FOXF1: variants seen among roughly 807,000 people sequenced by gnomAD.
The protein encoded by FOXF1 is forkhead box protein F1.
In FOXF1, 9 loss-of-function variants were observed where a neutral mutation model predicts 26.6. The ratio of observed to expected loss-of-function variants is 0.34; its 90% CI spans 0.20 to 0.59. The LOEUF (loss-of-function observed/expected upper bound fraction) is 0.59. Ranked by LOEUF, FOXF1 falls within the 20% of genes least tolerant of loss-of-function variation. The probability of loss-of-function intolerance (pLI) is 0.83; values close to 1 mark genes in which losing one functional copy is unlikely to be tolerated. For missense variants in FOXF1, 499 were observed against 549.9 expected (o/e 0.91, Z 0.93); for synonymous variants, 330 against 257.7 (o/e 1.28, Z -2.69).
In FOXF1 at chr16:86,513,181, G is replaced by C; in HGVS notation, c.*96G>C. 7.2e-7 allele frequency: 1 copy of C among 1,386,934 alleles called. No individual in the cohort carries two copies. Among genetic ancestry groups the C allele is most frequent in the African/African-American group, 1.4e-5 (1 of 70,310 alleles). The allele number at this position is 1,386,934 out of a possible 1,614,324, so 85.9% of individuals were successfully genotyped here. The stretch of plus-strand genomic sequence containing the variant: ...CTTTCTTCTCGAGGTATAACCGTCG[G>C]CAGAAGAAAAGGGTTCCACCTCTCC... On this transcript the variant is annotated 3_prime_UTR_variant, in exon 2 of 2. Coordinates refer to ENST00000262426, the MANE Select transcript of FOXF1 (RefSeq NM_001451.3).
Position 86,513,437 on chromosome 16 carries a change from C to T in FOXF1, c.*352C>T, listed in dbSNP as rs947469718. ...ATTCTGCTGAGGTCCCCCCTCCTTCCGGCCAATGGCAGAAGTGGGGGAAAA... is the reference window on the plus strand; with the variant it reads ...ATTCTGCTGAGGTCCCCCCTCCTTCTGGCCAATGGCAGAAGTGGGGGAAAA... On this transcript the variant is annotated 3_prime_UTR_variant, in exon 2 of 2. Coordinates refer to ENST00000262426, the MANE Select transcript of FOXF1 (RefSeq NM_001451.3). The T allele has an allele frequency of 2.2e-5, 6 of 277,590 alleles. No homozygotes were observed. The highest frequency in any genetic ancestry group is 7.6e-5 in the East Asian group (1 of 13,190). 17.2% of individuals were successfully genotyped at this position (277,590 alleles called of 1,614,324 possible). A position where few individuals can be genotyped will look rare whatever the true frequency, so the allele number is the denominator to read the frequency against.
rs1044699156 is a variant in FOXF1, at chr16:86,513,497, A to C, written c.*412A>C. On this transcript the variant is annotated 3_prime_UTR_variant, in exon 2 of 2. Transcript: ENST00000262426. The stretch of plus-strand genomic sequence containing the variant: ...GAAAAGCAAACATGTGAGACCAATC[A>C]TTATCAAATACTTTTATTTTTTGGT... The C allele has an allele frequency of 2.6e-5, 5 of 195,308 alleles. No homozygotes were observed. Among genetic ancestry groups the C allele is most frequent in the Non-Finnish European group, 5.3e-5 (5 of 93,996 alleles). The allele number at this position is 195,308 out of a possible 1,614,324, so 12.1% of individuals were successfully genotyped here.
In FOXF1 at chr16:86,511,228, G is replaced by T. The variant is rs1456580427; in HGVS notation, c.659G>T (p.Gly220Val). Residue 220 changes from glycine (G) to valine (V), a missense_variant, in exon 1 of 2, where the codon GGC becomes GTC. Around this residue, in one of 5 missense-constraint regions of FOXF1, gnomAD observed 367 missense variants for 324.8 expected, o/e 1.13. Transcript: ENST00000262426. ...TCGGTGCCCCACCTGCCTTCCAACG[G>T]CGGCCACTCGTACATGGGCGGCTGC... ...SHSVPHLPSN[G>V]GHSYMGGCGG... The T allele has an allele frequency of 1.3e-6, 2 of 1,533,754 alleles. No homozygotes were observed. The highest frequency in any genetic ancestry group is 1.4e-5 in the African/African-American group (1 of 72,820).
rs1379417697 is a variant in FOXF1, at chr16:86,511,281, C to T, written c.712C>T (p.His238Tyr). 1.3e-6 allele frequency: 2 copies of T among 1,524,144 alleles called. No individual in the cohort carries two copies. The highest frequency in any genetic ancestry group is 1.8e-6 in the Non-Finnish European group (2 of 1,142,584). The allele number at this position is 1,524,144 out of a possible 1,614,324, so 94.4% of individuals were successfully genotyped here. A position where few individuals can be genotyped will look rare whatever the true frequency, so the allele number is the denominator to read the frequency against. The part of the protein sequence containing the change: ...CGGAAAGEYP[H>Y]HDSSVPASPL... ...CGGCGCGGCGGCCGGCGAGTACCCGCACCACGACAGCTCGGTGCCCGCCTC... is the reference window on the plus strand; with the variant it reads ...CGGCGCGGCGGCCGGCGAGTACCCGTACCACGACAGCTCGGTGCCCGCCTC... The change falls in exon 1 of 2, where the codon CAC becomes TAC. Residue 238 changes from histidine (H) to tyrosine (Y), a missense_variant. Coordinates refer to ENST00000262426, the MANE Select transcript of FOXF1 (RefSeq NM_001451.3).
Position 86,513,036 on chromosome 16 carries a change from A to G in FOXF1, c.1091A>G (p.Tyr364Cys), listed in dbSNP as rs1409702128. 12 of 1,613,414 alleles carry G rather than the reference A, an allele frequency of 7.4e-6. No homozygotes were observed. Among genetic ancestry groups the G allele is most frequent in the Non-Finnish European group, 9.3e-6 (11 of 1,180,000 alleles). ...SSMHSAGGGS[Y>C]YHQQVTYQDI... ...ATGCACTCGGCCGGCGGGGGCTCCT[A>G]CTACCACCAGCAGGTCACCTACCAA... The change falls in exon 2 of 2, where the codon TAC becomes TGC. Residue 364 changes from tyrosine (Y) to cysteine (C), a missense_variant. By Grantham distance (194) the Tyr-to-Cys change is radical. Transcript: ENST00000262426.
rs1025647347 is a variant in FOXF1 at position 86,511,511 on chromosome 16, G to C, written c.942G>C (p.Leu314=). ...CGCACTCCCTGGAGCAGCCGTATCTGCACCAGAACAGCCACAACGCCCCAG... is the reference window on the plus strand; with the variant it reads ...CGCACTCCCTGGAGCAGCCGTATCTCCACCAGAACAGCCACAACGCCCCAG... ...LSTHSLEQPY[L]HQNSHNAPAE... is the part of the protein sequence containing the mutation. The change falls in exon 1 of 2, where the codon CTG becomes CTC. Residue 314 remains leucine, a synonymous_variant. Transcript: ENST00000262426. 1.9e-6 allele frequency: 3 copies of C among 1,585,338 alleles called. No individual in the cohort carries two copies. The African/African-American group carries it at 4.0e-5, about 21-fold the overall frequency.
rs767146795 is a variant in FOXF1 at position 86,511,455 on chromosome 16, G to A, written c.886G>A (p.Ala296Thr). 11 of 1,593,336 alleles carry A rather than the reference G, an allele frequency of 6.9e-6. No individual in the cohort carries two copies. Among genetic ancestry groups the A allele is most frequent in the Non-Finnish European group, 9.3e-6 (11 of 1,177,978 alleles). Residue 296 changes from alanine (A) to threonine (T), a missense_variant, in exon 1 of 2, where the codon GCG (alanine) becomes ACG (threonine). By Grantham distance (58) the Ala-to-Thr change is moderately conservative. Coordinates refer to ENST00000262426, the MANE Select transcript of FOXF1 (RefSeq NM_001451.3). ...KQQPLSPCNPAANPLSGSLST... is the reference protein window; with the variant it reads ...KQQPLSPCNPTANPLSGSLST... ...GCAGCCCCTGTCCCCCTGTAACCCCGCGGCCAACCCCCTGTCCGGCAGCCT... is the reference window on the plus strand; with the variant it reads ...GCAGCCCCTGTCCCCCTGTAACCCCACGGCCAACCCCCTGTCCGGCAGCCT...
chr16:86,510,540 GGCA>G lies in FOXF1; in HGVS notation c.-27_-25del. ...CCCGTCCGCGGCGCAGAGCAGCGGC[GGCA>G]GCGGCGGCGGCGGCAGCAGCCACCC... On this transcript the variant is annotated 5_prime_UTR_variant, in exon 1 of 2. Transcript: ENST00000262426. The G allele has an allele frequency of 7.7e-7, 1 of 1,296,196 alleles. No homozygotes were observed. Among genetic ancestry groups the G allele is most frequent in the Non-Finnish European group, 9.8e-7 (1 of 1,024,732 alleles). 80.3% of individuals were successfully genotyped at this position (1,296,196 alleles called of 1,614,324 possible).
At chr16:86,512,098 T>C (rs1969575452) in intron 1 of FOXF1, among the ~76,000 whole-genome samples, 1 of 152,194 alleles carries the variant, frequency 6.6e-6, no homozygotes, top group South Asian at 2.1e-4. Context: ...CAGGGGCATT[T>C]TGTGGTGACT....
chr16:86,513,265 C>T lies in FOXF1; in HGVS notation c.*180C>T, dbSNP rs952496864. The T allele has an allele frequency of 3.2e-5, 20 of 623,280 alleles. 1 individual carries two copies. Among genetic ancestry groups the T allele is most frequent in the South Asian group, 2.3e-4 (12 of 51,796 alleles). 38.6% of individuals were successfully genotyped at this position (623,280 alleles called of 1,614,324 possible). On this transcript the variant is annotated 3_prime_UTR_variant, in exon 2 of 2. Coordinates refer to ENST00000262426, the MANE Select transcript of FOXF1 (RefSeq NM_001451.3). ...CAAAGACACAGCGCTGCGGTTGGCA[C>T]CTCCTTCCTCACTCCTTCAAAATTG...
rs1384569926 is a variant in FOXF1, at chr16:86,514,921, C to G, written c.*1836C>G. The stretch of plus-strand genomic sequence containing the variant: ...TGAGAGTTTTACTTTGGGTTTCCGA[C>G]TTTCTTGTTCTCTTGCTGTAGCTGT... On this transcript the variant is annotated 3_prime_UTR_variant, in exon 2 of 2. Coordinates refer to ENST00000262426, the MANE Select transcript of FOXF1 (RefSeq NM_001451.3). 2 of 152,042 alleles carry G rather than the reference C, an allele frequency of 1.3e-5. No homozygotes were observed. The highest frequency in any genetic ancestry group is 2.9e-5 in the Non-Finnish European group (2 of 68,016). The allele number at this position is 152,042 out of a possible 1,614,324, so 9.4% of individuals were successfully genotyped here. A position where few individuals can be genotyped will look rare whatever the true frequency, so the allele number is the denominator to read the frequency against.
rs1336916565 is a variant in FOXF1, at chr16:86,514,523, A to G, written c.*1438A>G. On this transcript the variant is annotated 3_prime_UTR_variant, in exon 2 of 2. Transcript: ENST00000262426. ...CCCAAAGATAGAGGGGGGAAAAAAG[A>G]AAAAACAGGCTTTGGATCTCTAGAC... 6.6e-6 allele frequency: 1 copy of G among 152,190 alleles called. No homozygotes were observed. Among genetic ancestry groups the G allele is most frequent in the African/African-American group, 2.4e-5 (1 of 41,454 alleles). The allele number at this position is 152,190 out of a possible 1,614,324, so 9.4% of individuals were successfully genotyped here. A position where few individuals can be genotyped will look rare whatever the true frequency, so the allele number is the denominator to read the frequency against.
chr16:86,511,422 A>G lies in FOXF1; in HGVS notation c.853A>G (p.Ile285Val). The G allele has an allele frequency of 1.3e-6, 2 of 1,594,194 alleles. No homozygotes were observed. Among genetic ancestry groups the G allele is most frequent in the Non-Finnish European group, 1.7e-6 (2 of 1,178,278 alleles). The change falls in exon 1 of 2, where the codon ATC (isoleucine) becomes GTC (valine). Residue 285 changes from isoleucine to valine, a missense_variant. By Grantham distance (29) the Ile-to-Val change is conservative. Coordinates refer to ENST00000262426, the MANE Select transcript of FOXF1 (RefSeq NM_001451.3). ...SAALNSGASY[I>V]KQQPLSPCNP... Reference sequence around the variant, plus strand: ...GGCGCTCAACAGCGGCGCCTCTTATATCAAGCAGCAGCCCCTGTCCCCCTG... The same window carrying G: ...GGCGCTCAACAGCGGCGCCTCTTATGTCAAGCAGCAGCCCCTGTCCCCCTG...
At chr16:86,512,664 G>A (rs1597292355) in intron 1 of FOXF1, among the ~76,000 whole-genome samples, 1 of 151,076 alleles carries the variant, frequency 6.6e-6, no homozygotes, top group Admixed American at 6.6e-5. Context: ...GCCCCTGCAC[G>A]GTGTCCGAGG....
Position 86,513,185 on chromosome 16 carries a change from A to G in FOXF1, c.*100A>G, listed in dbSNP as rs1597292687. ...CTTCTCGAGGTATAACCGTCGGCAGAAGAAAAGGGTTCCACCTCTCCCCAA... is the reference window on the plus strand; with the variant it reads ...CTTCTCGAGGTATAACCGTCGGCAGGAGAAAAGGGTTCCACCTCTCCCCAA... On this transcript the variant is annotated 3_prime_UTR_variant, in exon 2 of 2. Coordinates refer to ENST00000262426, the MANE Select transcript of FOXF1 (RefSeq NM_001451.3). The G allele has an allele frequency of 6.8e-6, 9 of 1,321,802 alleles. No homozygotes were observed. In the East Asian group the frequency reaches 2.0e-4, roughly 29 times the overall value. 81.9% of individuals were successfully genotyped at this position (1,321,802 alleles called of 1,614,324 possible).
At chr16:86,512,060 C>T (rs1396915525) in intron 1 of FOXF1, among the ~76,000 whole-genome samples, 3 of 152,244 alleles carry the variant, frequency 2.0e-5, no homozygotes, top group African/African-American at 7.2e-5. Flanking sequence ...TTTCAGGGGA[C>T]CAGACCTGGC....
chr16:86,511,025 G>A lies in FOXF1; in HGVS notation c.456G>A (p.Lys152=). Residue 152 remains lysine, a synonymous_variant, in exon 1 of 2, where the codon AAG becomes AAA. Transcript: ENST00000262426. The part of the protein sequence containing the change: ...RGFRRKCQAL[K]PMYSMMNGLG... The stretch of plus-strand genomic sequence containing the variant: ...TCCGAAGGAAATGCCAGGCGCTCAA[G>A]CCCATGTACAGCATGATGAACGGGC... 1.2e-6 allele frequency: 2 copies of A among 1,612,356 alleles called. No individual in the cohort carries two copies. Among genetic ancestry groups the A allele is most frequent in the Non-Finnish European group, 8.5e-7 (1 of 1,180,000 alleles).
chr16:86,512,458 C>A (rs1192041194), intron 1 of FOXF1, among the ~76,000 whole-genome samples: 1 of 152,252 alleles, frequency 6.6e-6, no homozygotes, highest in East Asian at 1.9e-4. Flanking sequence ...GGGGCCTGTT[C>A]TCTGGAGAAG....
At position 86,511,994 on chromosome 16, in the gene FOXF1, C is replaced by T. The variant is rs528688219; in HGVS notation, c.979+446C>T. ...TGCCTCTGCCTGGGGCTGGGCGGAA[C>T]GGAAGGTGTTAGGCCCAAAGCCGCT... is the stretch of plus-strand genomic sequence containing the variant. On this transcript the variant is annotated intron_variant, in intron 1 of 1. Coordinates refer to ENST00000262426, the MANE Select transcript of FOXF1 (RefSeq NM_001451.3). Among the ~76,000 whole-genome samples, 266 of 152,350 alleles carry T rather than the reference C, an allele frequency of 1.7e-3. 1 individual carries two copies. The highest frequency in any genetic ancestry group is 5.7e-3 in the African/African-American group (235 of 41,588).
Sources: allele counts gnomAD v4.1 joint callset (sites outside exome capture counted in the v4.1 genomes callset), GRCh38; gene constraint gnomAD v4.1.1; regional missense constraint gnomAD v4.1.1; transcripts MANE v1.5; gene names NCBI Gene and HGNC (gene_info 2026-07-23, HGNC 2026-07-21).